Variants in PPARGC1A observed in about 807,000 individuals in gnomAD.
PPARGC1A encodes peroxisome proliferator-activated receptor gamma coactivator 1-alpha.
A neutral mutation model predicts 88.7 loss-of-function variants in PPARGC1A; 25 were observed. The ratio of observed to expected loss-of-function variants is 0.28; its 90% confidence interval spans 0.21 to 0.39. The LOEUF (loss-of-function observed/expected upper bound fraction) is 0.39, where lower values mean the gene tolerates loss of function less well. PPARGC1A is among the 10% of genes least tolerant of loss of function. The probability of loss-of-function intolerance (pLI) is 1.00; values close to 1 mark genes in which losing one functional copy is unlikely to be tolerated. For synonymous variants in PPARGC1A, 363 were observed against 355.6 expected (o/e 1.02, Z -0.24); for missense variants, 880 against 968.7 (o/e 0.91, Z 1.22).
At chr4:23,876,888 T>A (rs1714810798) in intron 2 of PPARGC1A, among the ~76,000 whole-genome samples, 1 of 152,152 alleles carries the variant, frequency 6.6e-6, no homozygotes, top group African/African-American at 2.4e-5. Context: ...GGTAATTCAT[T>A]AATCCATCTG....
At chr4:24,240,300 ATGCT>A in the PPARGC1A span, among the ~76,000 whole-genome samples, 1 of 152,160 alleles carries the variant, frequency 6.6e-6, no homozygotes, top group South Asian at 2.1e-4. Flanking sequence ...GAGGACTTGA[ATGCT>A]TACTTCTCTT....
chr4:23,926,795 C>T, the PPARGC1A span, among the ~76,000 whole-genome samples: 1 of 152,206 alleles, frequency 6.6e-6, no homozygotes, highest in Non-Finnish European at 1.5e-5. Flanking sequence ...CTCATGGCTC[C>T]TCCAGAGCCT....
upstream of PPARGC1A, among the ~76,000 whole-genome samples, chr4:23,899,951 A>G (rs1363104063): frequency 3.3e-5 from 5 of 152,154 alleles, no homozygotes; most frequent in South Asian, 2.1e-4. Context: ...TTTAAAATGC[A>G]TAGAAAAGAA....
chr4:24,271,339 A>G, the PPARGC1A span, among the ~76,000 whole-genome samples: 1 of 151,598 alleles, frequency 6.6e-6, no homozygotes, highest in Non-Finnish European at 1.5e-5. Context: ...TCAGCATATC[A>G]TGAGATTTGG....
chr4:23,853,792 A>G (rs1560448821), intron 2 of PPARGC1A, among the ~76,000 whole-genome samples: 1 of 152,210 alleles, frequency 6.6e-6, no homozygotes, highest in Non-Finnish European at 1.5e-5. Flanking sequence ...GCAAGTCAGC[A>G]TGTAGTAAAG....
At chr4:24,203,126 C>A in the PPARGC1A span, among the ~76,000 whole-genome samples, 1 of 152,198 alleles carries the variant, frequency 6.6e-6, no homozygotes, top group African/African-American at 2.4e-5. Flanking sequence ...TTTTAAAATC[C>A]AACCTGTGGT....
chr4:24,149,851 T>G, the PPARGC1A span, among the ~76,000 whole-genome samples: 60 of 152,326 alleles, frequency 3.9e-4, no homozygotes, highest in Non-Finnish European at 6.5e-4. Context: ...TTAACTGTTT[T>G]CATCTAAATC....
chr4:24,056,805 T>C, the PPARGC1A span, among the ~76,000 whole-genome samples: 1 of 152,144 alleles, frequency 6.6e-6, no homozygotes, highest in Non-Finnish European at 1.5e-5. Flanking sequence ...AAATGATAAA[T>C]GTTGATGAGG....
the PPARGC1A span, among the ~76,000 whole-genome samples, chr4:23,936,867 C>G: frequency 6.6e-6 from 1 of 152,032 alleles, no homozygotes; most frequent in East Asian, 1.9e-4. Context: ...GACTCCATCT[C>G]AAAAACAAAA....
chr4:24,042,765 A>T, the PPARGC1A span, among the ~76,000 whole-genome samples: 1 of 152,324 alleles, frequency 6.6e-6, no homozygotes, highest in East Asian at 1.9e-4. Flanking sequence ...ATAAATGCAT[A>T]TGTGCCCTAT....
the PPARGC1A span, among the ~76,000 whole-genome samples, chr4:24,167,421 T>C: frequency 6.6e-6 from 1 of 152,182 alleles, no homozygotes; most frequent in Non-Finnish European, 1.5e-5. Flanking sequence ...TTTAGAATAT[T>C]ACATAAACTT....
At chr4:23,840,598 C>G (rs561505194) in intron 2 of PPARGC1A, among the ~76,000 whole-genome samples, 5 of 152,170 alleles carry the variant, frequency 3.3e-5, no homozygotes, top group Admixed American at 3.3e-4. Context: ...GCATTCATCT[C>G]CCTGACTCAA....
At chr4:24,365,538 A>G in the PPARGC1A span, among the ~76,000 whole-genome samples, 3 of 152,236 alleles carry the variant, frequency 2.0e-5, no homozygotes, top group East Asian at 1.9e-4. Flanking sequence ...TGTATCTTGT[A>G]TATTCCCCAA....
the PPARGC1A span, among the ~76,000 whole-genome samples, chr4:24,078,039 T>G: frequency 6.6e-6 from 1 of 152,098 alleles, no homozygotes; most frequent in African/African-American, 2.4e-5. Flanking sequence ...TATACTCTCT[T>G]ACCTCTAGAA....
chr4:24,147,860 C>G, the PPARGC1A span, among the ~76,000 whole-genome samples: 1 of 152,200 alleles, frequency 6.6e-6, no homozygotes, highest in African/African-American at 2.4e-5. Flanking sequence ...ACAAGAATCA[C>G]TTGAGCCCGG....
the PPARGC1A span, among the ~76,000 whole-genome samples, chr4:24,322,849 G>C: frequency 4.6e-5 from 7 of 152,334 alleles, no homozygotes; most frequent in African/African-American, 1.7e-4. Context: ...ATGATTGGCT[G>C]CACTCTCCAC....
the PPARGC1A span, among the ~76,000 whole-genome samples, chr4:24,238,745 A>ATGTGTGTGTG: frequency 2.4e-3 from 296 of 121,884 alleles, 2 homozygotes; most frequent in South Asian, 5.4e-3. Flanking sequence ...AAGGTTGTAT[A>ATGTGTGTGTG]TGTGTGTGTG....
the PPARGC1A span, among the ~76,000 whole-genome samples, chr4:24,074,620 C>T: frequency 6.6e-6 from 1 of 152,078 alleles, no homozygotes; most frequent in Admixed American, 6.6e-5. Flanking sequence ...CTTCCTTTCC[C>T]CAGTCTTTCT....
At chr4:24,173,336 A>G in the PPARGC1A span, among the ~76,000 whole-genome samples, 1 of 47,668 alleles carries the variant, frequency 2.1e-5, no homozygotes, top group African/African-American at 6.5e-5. Flanking sequence ...TCCTTTCCCC[A>G]CCAAAAAAAA....
Sources: allele counts gnomAD v4.1 joint callset (sites outside exome capture counted in the v4.1 genomes callset), GRCh38; gene constraint gnomAD v4.1.1; transcripts MANE v1.5; gene names NCBI Gene and HGNC (gene_info 2026-07-23, HGNC 2026-07-21).